The following THSD7A variants were observed in gnomAD, a reference collection of about 807,000 sequenced individuals.
THSD7A encodes thrombospondin type 1 domain containing 7A, also known as thrombospondin type-1 domain-containing protein 7A.
A neutral mutation model predicts 231.3 loss-of-function variants in THSD7A; 96 were observed. The ratio of observed to expected loss-of-function variants is 0.41; its 90% CI spans 0.35 to 0.49. The LOEUF (loss-of-function observed/expected upper bound fraction) is 0.49. Among genes scored for constraint, THSD7A ranks in the 20% least tolerant of loss-of-function variants. THSD7A has a pLI of 0.05. For missense variants in THSD7A, 2,290 were observed against 2,070.2 expected (o/e 1.11, Z -2.06); for synonymous variants, 940 against 743.3 (o/e 1.26, Z -4.30).
At chr7:11,454,308 T>A (rs2107140) in intron 11 of THSD7A, among the ~76,000 whole-genome samples, 1 of 151,616 alleles carries the variant, frequency 6.6e-6, no homozygotes, top group Non-Finnish European at 1.5e-5. Flanking sequence ...TATGCCATTA[T>A]ACAAAATTTC....
intron 6 of THSD7A, 91 bp from the exon 7 acceptor site, chr7:11,482,073 T>A: frequency 7.4e-7 from 1 of 1,347,610 alleles, no homozygotes; most frequent in Non-Finnish European, 1.0e-6. Flanking sequence ...TAAGTTACAT[T>A]ATCTTTCTTT....
chr7:11,563,595 C>G (rs1251296324), intron 4 of THSD7A, among the ~76,000 whole-genome samples: 1 of 152,138 alleles, frequency 6.6e-6, no homozygotes, highest in Non-Finnish European at 1.5e-5. Context: ...CTCTTGACCT[C>G]AGGTGATCCG....
intron 1 of THSD7A, among the ~76,000 whole-genome samples, chr7:11,708,437 A>G (rs1303412891): frequency 6.6e-6 from 1 of 150,804 alleles, no homozygotes; most frequent in Non-Finnish European, 1.5e-5. Context: ...TATATTTGCC[A>G]AAAGAACAAC....
Position 11,756,195 on chromosome 7 carries a change from A to G in THSD7A, c.190+75562T>C, listed in dbSNP as rs75555305. ...TCTATTATGTTACTAAAAGCCTGGA[A>G]ATCCCATCTTCTTAATTACTCATAA... On this transcript the variant is annotated intron_variant, in intron 1 of 27. Coordinates refer to ENST00000423059, the MANE Select transcript of THSD7A (RefSeq NM_015204.3). Among the ~76,000 whole-genome samples, 840 of 152,234 alleles carry G rather than the reference A, an allele frequency of 5.5e-3. 7 individuals are homozygous for G. Among genetic ancestry groups the G allele is most frequent in the African/African-American group, 0.019 (801 of 41,562 alleles).
chr7:11,779,314 C>A (rs1037949470), intron 1 of THSD7A, among the ~76,000 whole-genome samples: 9 of 152,144 alleles, frequency 5.9e-5, no homozygotes, highest in African/African-American at 2.2e-4. Context: ...CTCTCCCTCA[C>A]TCTTCCTTTC....
chr7:11,584,850 T>C lies in THSD7A; in HGVS notation c.1453+5610A>G, dbSNP rs191098674. Among the ~76,000 whole-genome samples the C allele has an allele frequency of 7.9e-5, 12 of 152,336 alleles. No individual in the cohort carries two copies. The East Asian group carries it at 2.3e-3, about 29-fold the overall frequency. ...TATTCAAATTCAGAGGTGTAAACAG[T>C]TCTATATTCAGAGATAAAAGGCAGT... On this transcript the variant is annotated intron_variant, in intron 4 of 27. Coordinates refer to ENST00000423059, the MANE Select transcript of THSD7A (RefSeq NM_015204.3).
At chr7:11,740,909 T>C (rs1428487541) in intron 1 of THSD7A, among the ~76,000 whole-genome samples, 1 of 151,984 alleles carries the variant, frequency 6.6e-6, no homozygotes, top group Non-Finnish European at 1.5e-5. Flanking sequence ...TTGCAGTATT[T>C]GCTGAATTAC....
chr7:11,669,453 G>A (rs1333233398), intron 1 of THSD7A, among the ~76,000 whole-genome samples: 1 of 151,890 alleles, frequency 6.6e-6, no homozygotes, highest in African/African-American at 2.4e-5. Flanking sequence ...TGTAAGAGCT[G>A]TTCCAGATAC....
intron 1 of THSD7A, among the ~76,000 whole-genome samples, chr7:11,645,587 T>G (rs1290918300): frequency 1.3e-5 from 2 of 151,806 alleles, no homozygotes; most frequent in African/African-American, 4.8e-5. Flanking sequence ...AGTTAGACAA[T>G]TTTACCAGGA....
At chr7:11,607,580 C>T (rs1780775308) in intron 2 of THSD7A, among the ~76,000 whole-genome samples, 1 of 151,544 alleles carries the variant, frequency 6.6e-6, no homozygotes, top group South Asian at 2.1e-4. Context: ...ATGTTCAAGT[C>T]ACACTTCTTT....
At chr7:11,460,516 GT>G (rs1373934603) in intron 11 of THSD7A, 145 bp downstream of exon 11, 5 of 538,016 alleles carry the variant, frequency 9.3e-6, no homozygotes, top group Non-Finnish European at 1.6e-5. Flanking sequence ...ATGTTTCTAT[GT>G]CCTGATGTTT....
At chr7:11,403,343 G>C (rs543549306) in intron 22 of THSD7A, among the ~76,000 whole-genome samples, 3 of 152,166 alleles carry the variant, frequency 2.0e-5, no homozygotes, top group Admixed American at 6.5e-5. Flanking sequence ...TAGCAAAATG[G>C]AGTGATTTTT....
intron 1 of THSD7A, among the ~76,000 whole-genome samples, chr7:11,646,710 A>T (rs1268145056): frequency 3.9e-5 from 6 of 152,076 alleles, no homozygotes; most frequent in Non-Finnish European, 7.4e-5. Flanking sequence ...GAGGTAAAGG[A>T]GTCCTATCAC....
intron 1 of THSD7A, among the ~76,000 whole-genome samples, chr7:11,734,338 C>G (rs996118860): frequency 5.3e-5 from 8 of 151,846 alleles, no homozygotes; most frequent in African/African-American, 1.9e-4. Flanking sequence ...TCTCTATTAC[C>G]TTAAAAATAA....
At chr7:11,756,379 A>T (rs946625628) in intron 1 of THSD7A, among the ~76,000 whole-genome samples, 8 of 152,092 alleles carry the variant, frequency 5.3e-5, no homozygotes, top group Non-Finnish European at 8.8e-5. Flanking sequence ...AGGTGGTGAG[A>T]GTGGAGAAGA....
chr7:11,699,068 AC>A (rs1780491868), intron 1 of THSD7A, among the ~76,000 whole-genome samples: 1 of 150,364 alleles, frequency 6.7e-6, no homozygotes, highest in Non-Finnish European at 1.5e-5. Flanking sequence ...CAAATACAGC[AC>A]TTTTTTTGTA....
intron 1 of THSD7A, among the ~76,000 whole-genome samples, chr7:11,769,141 A>ATTTTTTTTT (rs1562541275): frequency 5.7e-5 from 2 of 34,964 alleles, no homozygotes; most frequent in African/African-American, 8.9e-5. Context: ...ATATATATAT[A>ATTTTTTTTT]TATATATATA....
chr7:11,784,722 T>C (rs1156572487), intron 1 of THSD7A, among the ~76,000 whole-genome samples: 3 of 152,144 alleles, frequency 2.0e-5, no homozygotes, highest in Admixed American at 6.5e-5. Flanking sequence ...ATTTTATGCA[T>C]AGAGGTCCTG....
Position 11,406,487 on chromosome 7 carries a change from A to G in THSD7A, c.4063-13T>C. 2 of 1,598,292 alleles carry G rather than the reference A, an allele frequency of 1.3e-6. No homozygotes were observed. Among genetic ancestry groups the G allele is most frequent in the Non-Finnish European group, 1.7e-6 (2 of 1,173,822 alleles). On this transcript the variant is annotated splice_polypyrimidine_tract_variant and intron_variant, in intron 21 of 27. Transcript: ENST00000423059. This position sits in a 1 kb window ranked among gnomAD's most constrained non-coding sequence, Gnocchi z 4.7. ...CACACTGGGCCTCCTGGAATGGAGGAAGAAATAACTAATTAGAAAAAGAGA... is the reference window on the plus strand; with the variant it reads ...CACACTGGGCCTCCTGGAATGGAGGGAGAAATAACTAATTAGAAAAAGAGA...
Sources: gnomAD v4.1 joint callset for allele counts (sites outside exome capture counted in the v4.1 genomes callset) on GRCh38, gnomAD v4.1.1 for gene constraint, Gnocchi (gnomAD v3.1) non-coding constraint, MANE v1.5 for transcripts, NCBI Gene and HGNC (gene_info 2026-07-23, HGNC 2026-07-21) for gene names.